Variants in ACACA observed in about 807,000 individuals in gnomAD.
ACACA encodes acetyl-CoA carboxylase 1.
Under a neutral mutation model 296.1 loss-of-function variants are expected in ACACA, and 103 were observed. The observed-to-expected ratio is 0.35, with a 90% CI of 0.30 to 0.41. ACACA has a LOEUF of 0.41. ACACA is among the 10% of genes least tolerant of loss of function. The pLI is 1.00. For missense variants in ACACA, 1,554 were observed against 2,989.7 expected (o/e 0.52, Z 11.20); for synonymous variants, 953 against 1,038.6 (o/e 0.92, Z 1.58).
intron 5 of ACACA, among the ~76,000 whole-genome samples, chr17:37,279,951 A>G (rs2082438347): frequency 6.6e-6 from 1 of 152,158 alleles, no homozygotes. Flanking sequence ...TAACTTATCA[A>G]TGGAAGTACA....
At chr17:37,223,860 TA>T (rs1305225352) in intron 27 of ACACA, among the ~76,000 whole-genome samples, 3 of 152,232 alleles carry the variant, frequency 2.0e-5, no homozygotes, top group Admixed American at 6.5e-5. Flanking sequence ...TATGCTAATA[TA>T]AGTGTTTATG....
intron 10 of ACACA, among the ~76,000 whole-genome samples, chr17:37,268,341 T>C (rs2542656): frequency 0.13 from 19,675 of 152,216 alleles, 1,903 homozygotes; most frequent in East Asian, 0.45. Context: ...CTAGAAGCAC[T>C]AGCAATCCTA....
At chr17:37,378,448 C>T (rs1412565261) in intron 1 of ACACA, among the ~76,000 whole-genome samples, 1 of 152,224 alleles carries the variant, frequency 6.6e-6, no homozygotes, top group African/African-American at 2.4e-5. Flanking sequence ...CATGGTGGCT[C>T]ACACCTGTAA....
rs1364282143 is a variant in ACACA at position 37,394,875 on chromosome 17, C to T, written c.38+11387G>A. Reference sequence around the variant, plus strand: ...CTGCACTCCAGCCTGGGCGACACAGCGAGACTCTGTCTCAAAAAATATGTA... The same window carrying T: ...CTGCACTCCAGCCTGGGCGACACAGTGAGACTCTGTCTCAAAAAATATGTA... On this transcript the variant is annotated intron_variant, in intron 1 of 55. Transcript: ENST00000616317. Among the ~76,000 whole-genome samples, 6 of 150,512 alleles carry T rather than the reference C, an allele frequency of 4.0e-5. No homozygotes were observed. The East Asian group carries it at 7.8e-4, about 20-fold the overall frequency.
chr17:37,376,025 G>A (rs2049986273), intron 1 of ACACA: 1 of 1,368,890 alleles, frequency 7.3e-7, no homozygotes, highest in South Asian at 1.2e-5. Flanking sequence ...GCAACTAGAG[G>A]CAGAGCTATC....
chr17:37,304,321 C>T (rs1301968092), intron 3 of ACACA, among the ~76,000 whole-genome samples: 2 of 152,014 alleles, frequency 1.3e-5, no homozygotes, highest in African/African-American at 4.8e-5. Context: ...TAGCTGGGAC[C>T]ACAGACATAT....
At chr17:37,104,944 GAAAAAAAA>G (rs66518229) in intron 52 of ACACA, among the ~76,000 whole-genome samples, 1 of 56,644 alleles carries the variant, frequency 1.8e-5, no homozygotes, top group African/African-American at 7.1e-5. Context: ...GTCTCTGACC[GAAAAAAAA>G]AAAAAAAAAA....
intron 29 of ACACA, among the ~76,000 whole-genome samples, chr17:37,213,101 T>A (rs1356880384): frequency 6.6e-6 from 1 of 151,878 alleles, no homozygotes; most frequent in Non-Finnish European, 1.5e-5. Flanking sequence ...GTGGATCACT[T>A]GAGCCCAGGA....
chr17:37,135,762 C>A (rs1210395988), intron 45 of ACACA, among the ~76,000 whole-genome samples: 1 of 152,038 alleles, frequency 6.6e-6, no homozygotes, highest in East Asian at 1.9e-4. Context: ...TAGAGAGGAG[C>A]CACACAATAG....
intron 3 of ACACA, among the ~76,000 whole-genome samples, chr17:37,292,773 A>G (rs1219876473): frequency 6.6e-6 from 1 of 152,210 alleles, no homozygotes; most frequent in East Asian, 1.9e-4. Flanking sequence ...CTGAGACAGG[A>G]GAATCGCTTG....
At position 37,244,831 on chromosome 17, in the gene ACACA, T is replaced by C; in HGVS notation, c.2596-97A>G. ...AGAGTTATCATTCAAAATCGAGACATCATACCCAGCTACCAGGAGGGAAGT... is the reference window on the plus strand; with the variant it reads ...AGAGTTATCATTCAAAATCGAGACACCATACCCAGCTACCAGGAGGGAAGT... On this transcript the variant is annotated intron_variant, in intron 20 of 55. Coordinates refer to ENST00000616317, the MANE Select transcript of ACACA (RefSeq NM_198834.3). The C allele has an allele frequency of 3.3e-6, 5 of 1,534,712 alleles. No homozygotes were observed. In the Middle Eastern group the frequency reaches 5.1e-4, roughly 155 times the overall value.
Position 37,318,986 on chromosome 17 carries a change from A to C in ACACA, c.338+11187T>G, listed in dbSNP as rs2047221653. Among the ~76,000 whole-genome samples the C allele has an allele frequency of 2.6e-5, 4 of 152,194 alleles. No homozygotes were observed. In the South Asian group the frequency reaches 8.3e-4, roughly 32 times the overall value. On this transcript the variant is annotated intron_variant, in intron 3 of 55. Coordinates refer to ENST00000616317, the MANE Select transcript of ACACA (RefSeq NM_198834.3). ...ATCATCATTAATGCAATTAATACCA[A>C]TTGTTGCTCTGTAACTATAAAAAGT... is the stretch of plus-strand genomic sequence containing the variant.
rs1179719738 is a variant in ACACA at position 37,132,399 on chromosome 17, A to C, written c.5680-2181T>G. On this transcript the variant is annotated intron_variant, in intron 45 of 55. Transcript: ENST00000616317. ...GGTAGAGGCAGAAACCCTGTCACTT[A>C]CAGAGGCCACGCTCTGATCTGGCTC... Among the ~76,000 whole-genome samples, 3 of 152,198 alleles carry C rather than the reference A, an allele frequency of 2.0e-5. No homozygotes were observed. In the East Asian group the frequency reaches 5.8e-4, roughly 29 times the overall value.
At chr17:37,384,424 CCT>C (rs142273284) in intron 1 of ACACA, among the ~76,000 whole-genome samples, 122 of 152,144 alleles carry the variant, frequency 8.0e-4, no homozygotes, top group African/African-American at 2.9e-3. Flanking sequence ...TCTTTTTCCC[CCT>C]CTTTCAATCA....
chr17:37,381,415 A>G (rs1382602219), intron 1 of ACACA, among the ~76,000 whole-genome samples: 2 of 151,772 alleles, frequency 1.3e-5, no homozygotes, highest in African/African-American at 4.9e-5. Flanking sequence ...TGAACTCCTG[A>G]CTTCAAGTGT....
At chr17:37,284,725 G>A (rs2082691634) in intron 4 of ACACA, 113 bp downstream of exon 4, 1 of 1,429,998 alleles carries the variant, frequency 7.0e-7, no homozygotes, top group Non-Finnish European at 9.8e-7. Flanking sequence ...ACATAAAGAG[G>A]CAAAGCCTCT....
chr17:37,243,341 G>GA (rs761213708), intron 22 of ACACA, 30 bp downstream of exon 22: 6 of 1,606,414 alleles, frequency 3.7e-6, no homozygotes, highest in South Asian at 1.1e-5. Flanking sequence ...TTGGTAGCCA[G>GA]AAAAAAATAT....
At chr17:37,198,037 C>T (rs2078083008) in intron 35 of ACACA, among the ~76,000 whole-genome samples, 1 of 152,064 alleles carries the variant, frequency 6.6e-6, no homozygotes, top group South Asian at 2.1e-4. Flanking sequence ...TATACATGTC[C>T]CTATTAAACC....
At chr17:37,292,394 A>C (rs1340883816) in intron 3 of ACACA, among the ~76,000 whole-genome samples, 4 of 152,208 alleles carry the variant, frequency 2.6e-5, no homozygotes. Context: ...GGAACTTTCT[A>C]AACAGGGCAA....
Sources: gnomAD v4.1 joint callset for allele counts (sites outside exome capture counted in the v4.1 genomes callset) on GRCh38, gnomAD v4.1.1 for gene constraint, MANE v1.5 for transcripts, NCBI Gene and HGNC (gene_info 2026-07-23, HGNC 2026-07-21) for gene names.